Variants in PLA2R1 observed in about 807,000 individuals in gnomAD.
PLA2R1 encodes the protein secretory phospholipase A2 receptor.
A neutral mutation model predicts 195.9 loss-of-function variants in PLA2R1; 158 were observed. The ratio of observed to expected loss-of-function variants is 0.81; its 90% CI spans 0.71 to 0.92. The LOEUF is 0.92. Among genes scored for constraint, PLA2R1 ranks in the 40% least tolerant of loss-of-function variants. The probability of loss-of-function intolerance (pLI) is 0.00; values close to 1 mark genes in which losing one functional copy is unlikely to be tolerated. For missense variants in PLA2R1, 1,626 were observed against 1,764.6 expected (o/e 0.92, Z 1.41); for synonymous variants, 586 against 598.2 (o/e 0.98, Z 0.30).
intron 3 of PLA2R1, among the ~76,000 whole-genome samples, chr2:160,037,065 A>C (rs1694208647): frequency 1.3e-5 from 2 of 152,190 alleles, no homozygotes; most frequent in Non-Finnish European, 2.9e-5. Flanking sequence ...GGTCCTGTTC[A>C]GTTTATCTAC....
In PLA2R1 at chr2:159,941,806, A is replaced by T. The variant is rs1001567103; in HGVS notation, c.4364T>A (p.Ile1455Asn). ...STVYLEENILISDLEKSDQ is the reference protein window; with the variant it reads ...STVYLEENILNSDLEKSDQ ...TTGGTCACTCTTCTCAAGATCAGAAATGAGAATATTTTCTTCTAAATATAC... is the reference window on the plus strand; with the variant it reads ...TTGGTCACTCTTCTCAAGATCAGAATTGAGAATATTTTCTTCTAAATATAC... The change falls in exon 30 of 30, where the codon ATT becomes AAT. Residue 1455 changes from isoleucine to asparagine, a missense_variant. By Grantham distance (149) the Ile-to-Asn change is moderately radical (BLOSUM62 -3). Coordinates refer to ENST00000283243, the MANE Select transcript of PLA2R1 (RefSeq NM_007366.5). 1.2e-6 allele frequency: 2 copies of T among 1,603,756 alleles called. No individual in the cohort carries two copies. The highest frequency in any genetic ancestry group is 2.7e-5 in the African/African-American group (2 of 74,762).
chr2:159,965,187 G>A (rs1182644672), intron 20 of PLA2R1, among the ~76,000 whole-genome samples: 1 of 152,108 alleles, frequency 6.6e-6, no homozygotes, highest in Non-Finnish European at 1.5e-5. Flanking sequence ...TTACATTAGG[G>A]TTCACTCTTT....
rs1226875347 is a variant in PLA2R1 at position 159,949,785 on chromosome 2, G to A, written c.3541-9C>T. 1 of 1,611,238 alleles carries A rather than the reference G, an allele frequency of 6.2e-7. No individual in the cohort carries two copies. The highest frequency in any genetic ancestry group is 8.5e-7 in the Non-Finnish European group (1 of 1,177,670). On this transcript the variant is annotated splice_polypyrimidine_tract_variant and intron_variant, in intron 24 of 29. Coordinates refer to ENST00000283243, the MANE Select transcript of PLA2R1 (RefSeq NM_007366.5). ...TCAAAATTAAGACCATTCTGTGGAG[G>A]AAAACTGAGCCATCATTTCCTTGCC...
intron 3 of PLA2R1, among the ~76,000 whole-genome samples, chr2:160,034,720 G>A (rs768338135): frequency 6.6e-6 from 1 of 152,258 alleles, no homozygotes; most frequent in African/African-American, 2.4e-5. Context: ...ATCACTTGAA[G>A]TCAGGAGTTC....
intron 10 of PLA2R1, among the ~76,000 whole-genome samples, chr2:160,006,643 G>C (rs1438999299): frequency 1.3e-5 from 2 of 152,210 alleles, no homozygotes; most frequent in Non-Finnish European, 2.9e-5. Flanking sequence ...TTTCAGCTAA[G>C]TTGAAACTAT....
At chr2:159,966,093 T>C (rs1197401780) in intron 20 of PLA2R1, among the ~76,000 whole-genome samples, 1 of 152,114 alleles carries the variant, frequency 6.6e-6, no homozygotes, top group Non-Finnish European at 1.5e-5. Flanking sequence ...TAAAATTCAG[T>C]GATATAAGAA....
chr2:160,039,621 G>A (rs1473801969), intron 3 of PLA2R1, among the ~76,000 whole-genome samples: 1 of 152,072 alleles, frequency 6.6e-6, no homozygotes, highest in Non-Finnish European at 1.5e-5. Flanking sequence ...CATGGAAAGA[G>A]CTATCAGCTT....
chr2:160,046,445 T>C (rs1694880599), intron 1 of PLA2R1, among the ~76,000 whole-genome samples: 1 of 151,918 alleles, frequency 6.6e-6, no homozygotes, highest in Non-Finnish European at 1.5e-5. Context: ...TTTGGAGAGG[T>C]TTGGGACAGT....
intron 10 of PLA2R1, among the ~76,000 whole-genome samples, chr2:160,006,357 G>T (rs757638371): frequency 1.3e-5 from 2 of 152,216 alleles, no homozygotes; most frequent in Non-Finnish European, 2.9e-5. Context: ...AAATCAGTGT[G>T]TTCATAGGCA....
rs889265399 is a variant in PLA2R1 at position 159,933,539 on chromosome 2, T to G, written c.*8239A>C. The G allele has an allele frequency of 6.6e-6, 1 of 152,194 alleles. No individual in the cohort carries two copies. Among genetic ancestry groups the G allele is most frequent in the Non-Finnish European group, 1.5e-5 (1 of 68,042 alleles). 9.4% of individuals were successfully genotyped at this position (152,194 alleles called of 1,614,324 possible). A position where few individuals can be genotyped will look rare whatever the true frequency, so the allele number is the denominator to read the frequency against. On this transcript the variant is annotated 3_prime_UTR_variant, in exon 30 of 30. Transcript: ENST00000283243. ...TCTCCTTTTTTTTCTGATTCTCTTC[T>G]TCTTGATATTATTTATGTCACATTG...
downstream of PLA2R1, among the ~76,000 whole-genome samples, chr2:159,928,889 C>T (rs1438685588): frequency 3.3e-5 from 5 of 152,120 alleles, no homozygotes; most frequent in African/African-American, 7.2e-5. Context: ...CAAACAAAAA[C>T]ATAAAGTGGG....
At position 159,940,570 on chromosome 2, in the gene PLA2R1, T is replaced by C. The variant is rs1406317992; in HGVS notation, c.*1208A>G. The C allele has an allele frequency of 6.6e-6, 1 of 152,200 alleles. No homozygotes were observed. The highest frequency in any genetic ancestry group is 1.5e-5 in the Non-Finnish European group (1 of 68,026). 9.4% of individuals were successfully genotyped at this position (152,200 alleles called of 1,614,324 possible). A position where few individuals can be genotyped will look rare whatever the true frequency, so the allele number is the denominator to read the frequency against. ...CACCATGCTCAGTACACTTTTTTCTTGATAAAATTCAATAAACAGTTATGT... is the reference window on the plus strand; with the variant it reads ...CACCATGCTCAGTACACTTTTTTCTCGATAAAATTCAATAAACAGTTATGT... On this transcript the variant is annotated 3_prime_UTR_variant, in exon 30 of 30. Coordinates refer to ENST00000283243, the MANE Select transcript of PLA2R1 (RefSeq NM_007366.5).
At chr2:160,005,891 T>C (rs1233553651) in intron 10 of PLA2R1, 70 bp from the exon 11 acceptor site, 2 of 1,052,998 alleles carry the variant, frequency 1.9e-6, no homozygotes, top group Non-Finnish European at 1.5e-6. Context: ...TAAAGCATAA[T>C]GAAGTGCACA....
At chr2:160,046,709 A>G (rs1694899310) in intron 1 of PLA2R1, among the ~76,000 whole-genome samples, 1 of 152,148 alleles carries the variant, frequency 6.6e-6, no homozygotes, top group Non-Finnish European at 1.5e-5. Flanking sequence ...ATCACCATAC[A>G]TAAGAGCAAA....
chr2:159,980,081 T>C (rs1689843992), intron 13 of PLA2R1, among the ~76,000 whole-genome samples, 167 bp from the exon 14 acceptor site: 1 of 152,088 alleles, frequency 6.6e-6, no homozygotes, highest in Admixed American at 6.5e-5. Context: ...AGAAAAAATA[T>C]TTTAAAATAT....
chr2:159,994,450 T>C (rs1691067758), intron 11 of PLA2R1, among the ~76,000 whole-genome samples: 1 of 152,104 alleles, frequency 6.6e-6, no homozygotes, highest in African/African-American at 2.4e-5. Flanking sequence ...TAAAATACAT[T>C]ATGTAATATT....
At chr2:159,927,386 A>G (rs549200687), downstream of PLA2R1, among the ~76,000 whole-genome samples, 4 of 152,312 alleles carry the variant, frequency 2.6e-5, no homozygotes, top group South Asian at 8.3e-4. Flanking sequence ...AGAATGCATC[A>G]GTCTCTAGAA....
intron 4 of PLA2R1, among the ~76,000 whole-genome samples, chr2:160,029,543 G>T (rs569257404): frequency 1.3e-5 from 2 of 152,250 alleles, no homozygotes. Flanking sequence ...TGGCAGGCTG[G>T]CTCTGTGGCC....
intron 3 of PLA2R1, among the ~76,000 whole-genome samples, chr2:160,034,655 A>G (rs1239477884): frequency 6.6e-6 from 1 of 152,224 alleles, no homozygotes; most frequent in Non-Finnish European, 1.5e-5. Context: ...CATTTAGGAC[A>G]GTCACAGTGG....
Sources: allele counts gnomAD v4.1 joint callset (sites outside exome capture counted in the v4.1 genomes callset), GRCh38; gene constraint gnomAD v4.1.1; transcripts MANE v1.5; gene names NCBI Gene and HGNC (gene_info 2026-07-23, HGNC 2026-07-21).